The following SAMHD1 variants were observed in gnomAD, a reference collection of about 807,000 sequenced individuals.
SAMHD1 encodes the protein deoxynucleoside triphosphate triphosphohydrolase SAMHD1.
SAMHD1 carries 54 observed loss-of-function variants against 79.6 expected under a neutral mutation model. The ratio of observed to expected loss-of-function variants is 0.68; its 90% CI spans 0.55 to 0.85. SAMHD1 has a LOEUF of 0.85. Ranked by LOEUF, SAMHD1 falls within the 40% of genes least tolerant of loss-of-function variation. The probability of loss-of-function intolerance (pLI) is 0.00; values close to 1 mark genes in which losing one functional copy is unlikely to be tolerated. For missense variants in SAMHD1, 663 were observed against 782.7 expected, an observed-to-expected ratio of 0.85 and a Z score of 1.82; for synonymous variants, 260 against 264.1, an observed-to-expected ratio of 0.98 and a Z score of 0.15.
chr20:36,904,206 G>C lies in SAMHD1; in HGVS notation c.1454C>G (p.Pro485Arg). ...CAGTTTCACGTCTAGCAATACTTTG[G>C]GTTTAGCACTGGCAACCTCTTTTGG... The part of the protein sequence containing the change: ...SLPKEVASAK[P>R]KVLLDVKLKA... The change falls in exon 13 of 16, where the codon CCC becomes CGC. Residue 485 changes from proline to arginine, a missense_variant. Physicochemically the swap from Pro to Arg is moderately radical, Grantham distance 103. Coordinates refer to ENST00000646673, the MANE Select transcript of SAMHD1 (RefSeq NM_015474.4). 6.2e-7 allele frequency: 1 copy of C among 1,613,674 alleles called. No homozygotes were observed. The highest frequency in any genetic ancestry group is 1.1e-5 in the South Asian group (1 of 91,058).
At position 36,891,613 on chromosome 20, in the gene SAMHD1, C is replaced by G. The variant is rs1990075421; in HGVS notation, c.*1319G>C. ...CACCAAGGTGGTGCCCACTCCACTG[C>G]TGGGAAAACGAAGTTACCTAGCGGA... On this transcript the variant is annotated 3_prime_UTR_variant, in exon 16 of 16. Transcript: ENST00000646673. 1 of 152,286 alleles carries G rather than the reference C, an allele frequency of 6.6e-6. No homozygotes were observed. Among genetic ancestry groups the G allele is most frequent in the Admixed American group, 6.5e-5 (1 of 15,276 alleles). 9.4% of individuals were successfully genotyped at this position (152,286 alleles called of 1,614,324 possible).
At chr20:36,915,750 A>AG (rs1378073458) in intron 9 of SAMHD1, among the ~76,000 whole-genome samples, 1 of 151,076 alleles carries the variant, frequency 6.6e-6, no homozygotes, top group East Asian at 2.0e-4. Context: ...AAAAAAAAAA[A>AG]GGTAAAGAAA....
At chr20:36,933,540 C>T (rs1275637725) in intron 4 of SAMHD1, among the ~76,000 whole-genome samples, 1 of 152,076 alleles carries the variant, frequency 6.6e-6, no homozygotes, top group Non-Finnish European at 1.5e-5. Flanking sequence ...CTCTGTCACC[C>T]AGGCTGGAGT....
chr20:36,912,897 T>TTC (rs1374852151), intron 9 of SAMHD1, among the ~76,000 whole-genome samples: 1 of 129,636 alleles, frequency 7.7e-6, no homozygotes, highest in Non-Finnish European at 1.6e-5. Context: ...TTGTTTTTTT[T>TTC]TTTTTTTTTT....
At chr20:36,904,693 G>C (rs1291148) in intron 12 of SAMHD1, 19,881 of 199,312 alleles carry the variant, frequency 0.1, 1,361 homozygotes, top group Middle Eastern at 0.15. Context: ...CTCTAACCTG[G>C]GTGACAGAGC....
chr20:36,915,902 G>A (rs780829237), intron 9 of SAMHD1, among the ~76,000 whole-genome samples: 39 of 151,700 alleles, frequency 2.6e-4, no homozygotes, highest in Non-Finnish European at 4.0e-4. Flanking sequence ...GCTCATGCCT[G>A]TAATCCCAGC....
rs771698070 is a variant in SAMHD1, at chr20:36,947,405, GGTGTGT to G, written c.209-607_209-602del. Among the ~76,000 whole-genome samples, 241 of 29,116 alleles carry G rather than the reference GGTGTGT, an allele frequency of 8.3e-3. 8 individuals are homozygous for G. Among genetic ancestry groups the G allele is most frequent in the East Asian group, 0.023 (19 of 840 alleles). The allele number at this position is 29,116 out of a possible 152,430, so 19.1% of individuals were successfully genotyped here. A position where few individuals can be genotyped will look rare whatever the true frequency, so the allele number is the denominator to read the frequency against. ...GAAGAGGTGTGTGTGATTTGGAAGA[GGTGTGT>G]GTGTGTGTGTGTGTGTGTGTGTGTG... On this transcript the variant is annotated intron_variant, in intron 1 of 15. Coordinates refer to ENST00000646673, the MANE Select transcript of SAMHD1 (RefSeq NM_015474.4).
At chr20:36,907,357 C>T (rs577667656) in intron 11 of SAMHD1, among the ~76,000 whole-genome samples, 70 of 151,578 alleles carry the variant, frequency 4.6e-4, no homozygotes, top group African/African-American at 1.7e-3. Flanking sequence ...ACCTCCTGGA[C>T]TCAGGCAATC....
chr20:36,907,091 C>CTT (rs75717058), intron 11 of SAMHD1, among the ~76,000 whole-genome samples: 16 of 140,168 alleles, frequency 1.1e-4, no homozygotes, highest in Non-Finnish European at 2.0e-4. Flanking sequence ...TGCACCTGGC[C>CTT]TTTTTTTTTT....
Position 36,891,543 on chromosome 20 carries a change from A to G in SAMHD1, c.*1389T>C, listed in dbSNP as rs7265241. On this transcript the variant is annotated 3_prime_UTR_variant, in exon 16 of 16. Transcript: ENST00000646673. ...CAGACTTTGTTCTTGGTGAATTGCT[A>G]TAGAACTGGGAATGAGGTGTGCCCT... 0.073 allele frequency: 11,127 copies of G among 152,454 alleles called. 466 individuals carry two copies. The highest frequency in any genetic ancestry group is 0.088 in the South Asian group (426 of 4,828). The allele number at this position is 152,454 out of a possible 1,614,324, so 9.4% of individuals were successfully genotyped here. A position where few individuals can be genotyped will look rare whatever the true frequency, so the allele number is the denominator to read the frequency against.
intron 2 of SAMHD1, among the ~76,000 whole-genome samples, chr20:36,941,404 T>C (rs2092054507): frequency 6.6e-6 from 1 of 152,186 alleles, no homozygotes; most frequent in African/African-American, 2.4e-5. Flanking sequence ...GTCTACTCAA[T>C]GCTCAAACTG....
intron 2 of SAMHD1, among the ~76,000 whole-genome samples, chr20:36,942,189 G>T (rs2063649482): frequency 6.6e-6 from 1 of 152,204 alleles, no homozygotes; most frequent in Non-Finnish European, 1.5e-5. Context: ...GCCGAGGTGG[G>T]TGGATCACCT....
chr20:36,902,605 C>T (rs1990325659), intron 13 of SAMHD1, among the ~76,000 whole-genome samples: 1 of 152,078 alleles, frequency 6.6e-6, no homozygotes, highest in Admixed American at 6.6e-5. Context: ...TTTATGTGTC[C>T]AGGTATGGGT....
Position 36,897,917 on chromosome 20 carries a change from G to A in SAMHD1, c.1651C>T (p.Arg551Ter), listed in dbSNP as rs149846637. Residue 551 changes from arginine to a stop codon, truncating the protein, a stop_gained, in exon 15 of 16, where the codon CGA becomes TGA. Coordinates refer to ENST00000646673, the MANE Select transcript of SAMHD1 (RefSeq NM_015474.4). LOFTEE classifies it high-confidence loss of function. Reference protein sequence around the residue: ...LPEKFAEQLIRVYCKKVDRKS... With the variant: ...LPEKFAEQLI ...CTGTCCACCTTCTTACAATATACTC[G>A]AATCAGCTGCTCTGCAAATTTCTCT... The A allele has an allele frequency of 2.5e-6, 4 of 1,614,080 alleles. No homozygotes were observed. Among genetic ancestry groups the A allele is most frequent in the Non-Finnish European group, 2.5e-6 (3 of 1,180,018 alleles).
intron 3 of SAMHD1, among the ~76,000 whole-genome samples, chr20:36,938,310 G>A (rs1356549828): frequency 6.6e-6 from 1 of 152,178 alleles, no homozygotes; most frequent in Non-Finnish European, 1.5e-5. Context: ...GGAAGGCCGA[G>A]GCAGGCAGAT....
At chr20:36,949,679 C>A (rs1279519606) in intron 1 of SAMHD1, among the ~76,000 whole-genome samples, 1 of 145,370 alleles carries the variant, frequency 6.9e-6, no homozygotes, top group African/African-American at 2.5e-5. Flanking sequence ...ATAGCTTGAA[C>A]CAGGCAGTTA....
intron 6 of SAMHD1, among the ~76,000 whole-genome samples, chr20:36,921,728 G>A (rs1424532129): frequency 7.0e-6 from 1 of 141,924 alleles, no homozygotes. Flanking sequence ...CCCTCTTGTT[G>A]CCCAGGCTGG....
chr20:36,906,167 G>A (rs1020836035), intron 11 of SAMHD1, among the ~76,000 whole-genome samples: 2 of 152,212 alleles, frequency 1.3e-5, no homozygotes, highest in African/African-American at 4.8e-5. Context: ...GCTAGGCGCT[G>A]TGGCTCACAC....
chr20:36,917,559 G>A (rs1405673014), intron 7 of SAMHD1, among the ~76,000 whole-genome samples: 1 of 152,164 alleles, frequency 6.6e-6, no homozygotes, highest in African/African-American at 2.4e-5. Context: ...GCTGAGGCAG[G>A]AGAATCGCCT....
Sources: allele counts gnomAD v4.1 joint callset (sites outside exome capture counted in the v4.1 genomes callset), GRCh38; gene constraint gnomAD v4.1.1; transcripts MANE v1.5; gene names NCBI Gene and HGNC (gene_info 2026-07-23, HGNC 2026-07-21).